The following RNGTT variants were observed in gnomAD, a reference collection of about 807,000 sequenced individuals.
RNGTT encodes the protein RNA guanylyltransferase and 5'-phosphatase, also known as mRNA-capping enzyme.
RNGTT carries 33 observed loss-of-function variants against 79.3 expected under a neutral mutation model. The observed-to-expected ratio is 0.42, with a 90% CI of 0.32 to 0.56. RNGTT has a LOEUF of 0.56. Among genes scored for constraint, RNGTT ranks in the 20% least tolerant of loss-of-function variants. RNGTT has a pLI of 0.17. For missense variants in RNGTT, 497 were observed against 739.1 expected (o/e 0.67, Z 3.80); for synonymous variants, 222 against 235.9 (o/e 0.94, Z 0.54).
Position 88,891,867 on chromosome 6 carries a change from T to C in RNGTT, c.733A>G (p.Thr245Ala), listed in dbSNP as rs758509681. 2 of 1,604,724 alleles carry C rather than the reference T, an allele frequency of 1.2e-6. No individual in the cohort carries two copies. Among genetic ancestry groups the C allele is most frequent in the Non-Finnish European group, 1.7e-6 (2 of 1,175,508 alleles). The change falls in exon 7 of 16, where the codon ACA becomes GCA. Residue 245 changes from threonine to alanine, a missense_variant. Around this residue, in one of 3 missense-constraint regions of RNGTT, gnomAD observed 440 missense variants for 671.5 expected, o/e 0.66. Coordinates refer to ENST00000369485, the MANE Select transcript of RNGTT (RefSeq NM_003800.5). ...GVTVKGVTQV[T>A]TQPKLGEVQQ... ...ACCTCTCCTAACTTTGGTTGTGTTG[T>C]TACTTGAGTTACACCTTTAACAGTA...
chr6:88,691,493 A>G lies in RNGTT; in HGVS notation c.1440-13074T>C, dbSNP rs1181693390. 3.3e-5 allele frequency among the ~76,000 whole-genome samples: 5 copies of G among 152,234 alleles called. No homozygotes were observed. In the East Asian group the frequency reaches 9.6e-4, roughly 29 times the overall value. The stretch of plus-strand genomic sequence containing the variant: ...GGATCAAAATCACGCAACAGCAAAC[A>G]CTAATTTTACAGATGACTACCTAAG... On this transcript the variant is annotated intron_variant, in intron 13 of 15. Coordinates refer to ENST00000369485, the MANE Select transcript of RNGTT (RefSeq NM_003800.5).
At chr6:88,901,495 C>CTTTTGTTTTTTTTTTTTTTTT (rs1783459161) in intron 6 of RNGTT, among the ~76,000 whole-genome samples, 1 of 65,776 alleles carries the variant, frequency 1.5e-5, no homozygotes, top group African/African-American at 7.1e-5. Context: ...GCACCCTGAT[C>CTTTTGTTTTTTTTTTTTTTTT]TTTTTTTTTT....
At chr6:88,706,242 G>A (rs774284915) in intron 13 of RNGTT, among the ~76,000 whole-genome samples, 3 of 151,878 alleles carry the variant, frequency 2.0e-5, no homozygotes, top group Non-Finnish European at 4.4e-5. Context: ...CTTTTTTTTG[G>A]TAGAAAAGAA....
chr6:88,885,056 AT>A (rs1782812397), intron 8 of RNGTT, among the ~76,000 whole-genome samples: 1 of 152,110 alleles, frequency 6.6e-6, no homozygotes, highest in Non-Finnish European at 1.5e-5. Flanking sequence ...AAAAAAATGT[AT>A]GCATACACAT....
chr6:88,662,988 T>C (rs1323622239), intron 14 of RNGTT, among the ~76,000 whole-genome samples: 3 of 152,204 alleles, frequency 2.0e-5, no homozygotes, highest in Non-Finnish European at 4.4e-5. Context: ...TTGGTTTAGA[T>C]TTCACTATTG....
chr6:88,768,388 AT>A lies in RNGTT; in HGVS notation c.1439+1385del, dbSNP rs1778537079. ...CTCCCAAAGTGCTGGAATTACAGGC[AT>A]GAGCCACTGCACCCAGCCTCAAATA... On this transcript the variant is annotated intron_variant, in intron 13 of 15. Coordinates refer to ENST00000369485, the MANE Select transcript of RNGTT (RefSeq NM_003800.5). Among the ~76,000 whole-genome samples the A allele has an allele frequency of 2.0e-5, 3 of 152,282 alleles. No homozygotes were observed. The South Asian group carries it at 6.2e-4, about 32-fold the overall frequency.
intron 11 of RNGTT, among the ~76,000 whole-genome samples, chr6:88,803,726 T>C (rs932233893): frequency 1.3e-5 from 2 of 152,040 alleles, no homozygotes; most frequent in Admixed American, 1.3e-4. Context: ...TCTACTTGTA[T>C]TGTAGGTACA....
intron 11 of RNGTT, among the ~76,000 whole-genome samples, chr6:88,842,310 T>C (rs1233185363): frequency 1.3e-5 from 2 of 151,474 alleles, no homozygotes; most frequent in African/African-American, 4.9e-5. Flanking sequence ...CAATATGCAG[T>C]TTATATGTCT....
At chr6:88,935,556 GT>G (rs1355157046) in intron 2 of RNGTT, among the ~76,000 whole-genome samples, 2 of 151,844 alleles carry the variant, frequency 1.3e-5, no homozygotes, top group African/African-American at 2.4e-5. Flanking sequence ...TTTAAAAAAA[GT>G]TTTTTTTAAT....
At chr6:88,810,654 T>C (rs1780107589) in intron 11 of RNGTT, among the ~76,000 whole-genome samples, 1 of 152,218 alleles carries the variant, frequency 6.6e-6, no homozygotes, top group South Asian at 2.1e-4. Context: ...TAAACTCACT[T>C]TGATATTCTT....
intron 13 of RNGTT, among the ~76,000 whole-genome samples, chr6:88,740,495 GGTAACA>G (rs1777449485): frequency 6.6e-6 from 1 of 151,610 alleles, no homozygotes; most frequent in South Asian, 2.1e-4. Flanking sequence ...CTCCAGCCTG[GGTAACA>G]GACACCCTGT....
intron 12 of RNGTT, among the ~76,000 whole-genome samples, chr6:88,784,707 G>C (rs1317235751): frequency 6.6e-6 from 1 of 152,086 alleles, no homozygotes. Context: ...CTTCTAAAAT[G>C]TGGAATTGCT....
intron 13 of RNGTT, among the ~76,000 whole-genome samples, chr6:88,763,087 CTTTTT>C (rs59200191): frequency 2.1e-5 from 2 of 95,524 alleles, no homozygotes; most frequent in African/African-American, 5.0e-5. Context: ...TCATGGCCAG[CTTTTT>C]TTTTTTTTTT....
rs754612655 is a variant in RNGTT at position 88,904,872 on chromosome 6, C to T, written c.527G>A (p.Arg176Gln). 3.7e-6 allele frequency: 6 copies of T among 1,613,972 alleles called. No homozygotes were observed. Among genetic ancestry groups the T allele is most frequent in the Admixed American group, 1.7e-5 (1 of 60,002 alleles). Residue 176 changes from arginine (R) to glutamine (Q), a missense_variant, in exon 6 of 16, where the codon CGG becomes CAG. This residue lies in a region of RNGTT where 440 missense variants were observed against 671.5 expected (regional missense o/e 0.66). Coordinates refer to ENST00000369485, the MANE Select transcript of RNGTT (RefSeq NM_003800.5). The part of the protein sequence containing the change: ...KGDYLKELFR[R>Q]YGDIEEAPPP... ...TGGTGCTTCCTCTATGTCACCATAC[C>T]GACGAAAAAGTTCCTTCAAATAATC...
intron 1 of RNGTT, among the ~76,000 whole-genome samples, chr6:88,956,506 A>C (rs548275463): frequency 5.2e-4 from 79 of 152,360 alleles, no homozygotes; most frequent in African/African-American, 1.8e-3. Context: ...CTATTCCAAA[A>C]GACAGAGAAA....
At chr6:88,717,895 T>C (rs1449752191) in intron 13 of RNGTT, among the ~76,000 whole-genome samples, 5 of 152,110 alleles carry the variant, frequency 3.3e-5, no homozygotes, top group Admixed American at 3.3e-4. Flanking sequence ...CCCAATCTTC[T>C]GCTGGGGTAG....
Position 88,913,837 on chromosome 6 carries a change from A to G in RNGTT, c.368-7397T>C, listed in dbSNP as rs1783913479. Among the ~76,000 whole-genome samples, 3 of 152,362 alleles carry G rather than the reference A, an allele frequency of 2.0e-5. No individual in the cohort carries two copies. The South Asian group carries it at 6.2e-4, about 32-fold the overall frequency. On this transcript the variant is annotated intron_variant, in intron 4 of 15. Coordinates refer to ENST00000369485, the MANE Select transcript of RNGTT (RefSeq NM_003800.5). ...CACTCTCGCCACTCCTATCCAGCATAGTACTAGAAGTGCTAGCAAGAGCAA... is the reference window on the plus strand; with the variant it reads ...CACTCTCGCCACTCCTATCCAGCATGGTACTAGAAGTGCTAGCAAGAGCAA...
At chr6:88,933,333 C>G (rs1784565648) in intron 2 of RNGTT, among the ~76,000 whole-genome samples, 1 of 152,124 alleles carries the variant, frequency 6.6e-6, no homozygotes, top group Non-Finnish European at 1.5e-5. Flanking sequence ...AGTCACCTTA[C>G]CCTGCTACCA....
In RNGTT at chr6:88,717,856, T is replaced by C. The variant is rs1219796107; in HGVS notation, c.1440-39437A>G. ...AAAGGCCAAGTGGTGAAGCTAGATG[T>C]CCATCCTCTGTAGGCTGTAAAAAGA... On this transcript the variant is annotated intron_variant, in intron 13 of 15. Transcript: ENST00000369485. Among the ~76,000 whole-genome samples the C allele has an allele frequency of 2.6e-5, 4 of 152,274 alleles. No individual in the cohort carries two copies. In the South Asian group the frequency reaches 8.3e-4, roughly 32 times the overall value.
Sources: gnomAD v4.1 joint callset for allele counts (sites outside exome capture counted in the v4.1 genomes callset) on GRCh38, gnomAD v4.1.1 for gene constraint, gnomAD v4.1.1 regional missense constraint, MANE v1.5 for transcripts, NCBI Gene and HGNC (gene_info 2026-07-23, HGNC 2026-07-21) for gene names.